The following FGF14 variants were observed in gnomAD, a reference collection of about 807,000 sequenced individuals.
The protein encoded by FGF14 is fibroblast growth factor homologous factor 4.
Under a neutral mutation model 25.5 loss-of-function variants are expected in FGF14, and 5 were observed. That is an observed-to-expected ratio of 0.20 (90% CI 0.10 to 0.41). FGF14 has a LOEUF of 0.41. FGF14 is among the 10% of genes least tolerant of loss of function. The probability of loss-of-function intolerance (pLI) is 1.00; values close to 1 mark genes in which losing one functional copy is unlikely to be tolerated. For synonymous variants in FGF14, 138 were observed against 118.3 expected (o/e 1.17, Z -1.08); for missense variants, 222 against 320.1 (o/e 0.69, Z 2.34).
rs1166253539 is a variant in FGF14, at chr13:101,986,129, T to A, written c.209-110833A>T. ...TGTTTTAATGTCAAGTTGACTATTATTTAGGTCTATTATAAGATTAATAAA... is the reference window on the plus strand; with the variant it reads ...TGTTTTAATGTCAAGTTGACTATTAATTAGGTCTATTATAAGATTAATAAA... On this transcript the variant is annotated intron_variant, in intron 1 of 4. Coordinates refer to the FGF14 transcript ENST00000376131. Among the ~76,000 whole-genome samples, 4 of 152,270 alleles carry A rather than the reference T, an allele frequency of 2.6e-5. No homozygotes were observed. The East Asian group carries it at 7.7e-4, about 29-fold the overall frequency.
intron 1 of FGF14, among the ~76,000 whole-genome samples, chr13:102,210,859 T>C (rs2050127941): frequency 6.6e-6 from 1 of 152,002 alleles, no homozygotes; most frequent in Non-Finnish European, 1.5e-5. Flanking sequence ...AAGGGCAAAA[T>C]AGTGCATGGT....
chr13:102,258,522 T>C (rs191581397), intron 1 of FGF14, among the ~76,000 whole-genome samples: 1 of 152,116 alleles, frequency 6.6e-6, no homozygotes, highest in African/African-American at 2.4e-5. Flanking sequence ...AGCTTGGGCA[T>C]TGATGGCCAA....
chr13:102,215,174 G>A (rs2050319208), intron 1 of FGF14, among the ~76,000 whole-genome samples: 4 of 152,186 alleles, frequency 2.6e-5, no homozygotes, highest in Admixed American at 2.6e-4. Flanking sequence ...ACACTGACAG[G>A]TTAATTGCTC....
chr13:102,135,024 C>T (rs2046350155), intron 1 of FGF14, among the ~76,000 whole-genome samples: 1 of 96,094 alleles, frequency 1.0e-5, no homozygotes, highest in Non-Finnish European at 1.9e-5. Context: ...TGTCCACACA[C>T]ACACACACAC....
At chr13:102,077,429 C>T (rs1404114466) in intron 1 of FGF14, among the ~76,000 whole-genome samples, 6 of 152,086 alleles carry the variant, frequency 3.9e-5, no homozygotes, top group Non-Finnish European at 8.8e-5. Flanking sequence ...ACACAAGGAA[C>T]TCATATACCT....
chr13:101,809,805 C>T (rs1469962889), intron 3 of FGF14, among the ~76,000 whole-genome samples: 2 of 152,040 alleles, frequency 1.3e-5, no homozygotes, highest in Non-Finnish European at 2.9e-5. Context: ...GCAAACAGAG[C>T]CAGCTATCCA....
At chr13:102,359,555 A>G (rs1420377831) in intron 1 of FGF14, among the ~76,000 whole-genome samples, 1 of 152,182 alleles carries the variant, frequency 6.6e-6, no homozygotes, top group East Asian at 1.9e-4. Flanking sequence ...CAGCTCTTCC[A>G]CTATTCAGTT....
intron 1 of FGF14, among the ~76,000 whole-genome samples, chr13:102,318,663 T>C (rs2056127281): frequency 6.6e-6 from 1 of 152,196 alleles, no homozygotes; most frequent in Non-Finnish European, 1.5e-5. Flanking sequence ...GACACAGTCA[T>C]ATTCAACGAA....
intron 1 of FGF14, among the ~76,000 whole-genome samples, chr13:102,278,165 A>C (rs1391483909): frequency 6.6e-6 from 1 of 152,106 alleles, no homozygotes; most frequent in Non-Finnish European, 1.5e-5. Flanking sequence ...AGATGATCCC[A>C]CTCATATCCA....
At chr13:102,081,547 A>G (rs574628755) in intron 1 of FGF14, among the ~76,000 whole-genome samples, 1 of 152,116 alleles carries the variant, frequency 6.6e-6, no homozygotes, top group African/African-American at 2.4e-5. Flanking sequence ...CATTTCCTGA[A>G]TCTTTCACTT....
At chr13:102,245,355 T>G (rs1286230395) in intron 1 of FGF14, among the ~76,000 whole-genome samples, 2 of 152,236 alleles carry the variant, frequency 1.3e-5, no homozygotes, top group East Asian at 3.9e-4. Context: ...ATTACTGAAA[T>G]GTCTTTAAAG....
chr13:101,916,966 C>T (rs1469751902), upstream of FGF14, among the ~76,000 whole-genome samples: 1 of 151,916 alleles, frequency 6.6e-6, no homozygotes, highest in African/African-American at 2.4e-5. Flanking sequence ...GGTCACCGCT[C>T]GTCGCAGGAA....
intron 1 of FGF14, among the ~76,000 whole-genome samples, chr13:102,127,749 G>A (rs1463354912): frequency 6.6e-6 from 1 of 152,218 alleles, no homozygotes; most frequent in African/African-American, 2.4e-5. Context: ...ACTGAGCAAT[G>A]CCAATGACTT....
intron 1 of FGF14, among the ~76,000 whole-genome samples, chr13:101,910,837 C>CGTGTGT (rs59758881): frequency 0.012 from 1,501 of 129,302 alleles, 22 homozygotes; most frequent in South Asian, 0.018. Context: ...GATTTGGATT[C>CGTGTGT]GTGTGTGTGT....
chr13:102,372,544 C>T (rs774048017), intron 1 of FGF14, among the ~76,000 whole-genome samples: 15 of 152,168 alleles, frequency 9.9e-5, no homozygotes, highest in Non-Finnish European at 1.3e-4. Context: ...GGGCGTCAAC[C>T]ATCCCCTATC....
chr13:102,225,249 G>A (rs1257472271), intron 1 of FGF14, among the ~76,000 whole-genome samples: 2 of 151,924 alleles, frequency 1.3e-5, no homozygotes, highest in Non-Finnish European at 2.9e-5. Flanking sequence ...CCATGGACAA[G>A]GCCTTGAACC....
rs573806997 is a variant in FGF14, at chr13:101,720,167, A to T, written c.*2664T>A. 1 of 152,270 alleles carries T rather than the reference A, an allele frequency of 6.6e-6. No individual in the cohort carries two copies. Among genetic ancestry groups the T allele is most frequent in the Admixed American group, 6.5e-5 (1 of 15,278 alleles). The allele number at this position is 152,270 out of a possible 1,614,324, so 9.4% of individuals were successfully genotyped here. A position where few individuals can be genotyped will look rare whatever the true frequency, so the allele number is the denominator to read the frequency against. ...CTCTTTGTATGCAAATTAGCAATACATACCAACAGTTCTTGATACACAGGT... is the reference window on the plus strand; with the variant it reads ...CTCTTTGTATGCAAATTAGCAATACTTACCAACAGTTCTTGATACACAGGT... On this transcript the variant is annotated 3_prime_UTR_variant, in exon 5 of 5. Transcript: ENST00000376143.
chr13:101,804,017 G>A (rs1474059158), intron 3 of FGF14, among the ~76,000 whole-genome samples: 1 of 151,574 alleles, frequency 6.6e-6, no homozygotes, highest in Admixed American at 6.6e-5. Context: ...GATCAAGTTC[G>A]AAGGAACCAC....
At chr13:102,005,701 C>T (rs374911990) in intron 1 of FGF14, among the ~76,000 whole-genome samples, 10 of 152,148 alleles carry the variant, frequency 6.6e-5, no homozygotes, top group Admixed American at 2.6e-4. Context: ...TCTTATAAAA[C>T]TAGCTAGTAA....
Sources: gnomAD v4.1 joint callset for allele counts (sites outside exome capture counted in the v4.1 genomes callset) on GRCh38, gnomAD v4.1.1 for gene constraint, MANE v1.5 for transcripts, NCBI Gene and HGNC (gene_info 2026-07-23, HGNC 2026-07-21) for gene names.